The following TTN variants were observed in gnomAD, a reference collection of about 807,000 sequenced individuals.
TTN encodes the protein titin, also known as connectin.
Under a neutral mutation model 3,223.0 loss-of-function variants are expected in TTN, and 1,525 were observed. The observed-to-expected ratio is 0.47, with a 90% confidence interval of 0.45 to 0.49. The LOEUF (loss-of-function observed/expected upper bound fraction) is 0.49, where lower values mean the gene tolerates loss of function less well. Ranked by LOEUF, TTN falls within the 20% of genes least tolerant of loss-of-function variation. The pLI, the probability that TTN is intolerant of heterozygous loss-of-function variation, is 0.00. For missense variants in TTN, 40,786 were observed against 43,424.0 expected, an observed-to-expected ratio of 0.94 and a Z score of 5.40; for synonymous variants, 14,094 against 15,161.0, an observed-to-expected ratio of 0.93 and a Z score of 5.17.
In TTN at chr2:178,530,221, G is replaced by C; in HGVS notation, c.106374+20C>G. On this transcript the variant is annotated intron_variant, in intron 358 of 362. Transcript: ENST00000589042. The stretch of plus-strand genomic sequence containing the variant: ...AATATTTTAGAAGATAAAAGAAAGA[G>C]ACATTTAAGAACTGGTTACCTTTCC... The C allele has an allele frequency of 6.4e-7, 1 of 1,565,586 alleles. No individual in the cohort carries two copies. Among genetic ancestry groups the C allele is most frequent in the Non-Finnish European group, 8.6e-7 (1 of 1,161,164 alleles).
In TTN at chr2:178,598,931, T is replaced by C. The variant is rs937956129; in HGVS notation, c.56779A>G (p.Thr18927Ala). The change falls in exon 291 of 363, where the codon ACT becomes GCT. Residue 18927 changes from threonine (T) to alanine (A), a missense_variant. Coordinates refer to ENST00000589042, the MANE Select transcript of TTN (RefSeq NM_001267550.2). The stretch of plus-strand genomic sequence containing the variant: ...TTAACTCTCTTCCATCTCTTTGAAG[T>C]GGTGTCTTTCATTTCCAGCCAGTAC... The part of the protein sequence containing the change: ...TGYWLEMKDT[T>A]SKRWKRVNRD... 1.2e-6 allele frequency: 2 copies of C among 1,612,924 alleles called. No homozygotes were observed. Among genetic ancestry groups the C allele is most frequent in the Non-Finnish European group, 8.5e-7 (1 of 1,179,468 alleles).
rs375714279 is a variant in TTN at position 178,677,874 on chromosome 2, A to C, written c.34038T>G (p.Pro11346=). 45 of 1,611,330 alleles carry C rather than the reference A, an allele frequency of 2.8e-5. No homozygotes were observed. The highest frequency in any genetic ancestry group is 5.9e-6 in the Non-Finnish European group (7 of 1,178,856). The change falls in exon 146 of 363, where the codon CCT becomes CCG. Residue 11346 remains proline, a synonymous_variant. Transcript: ENST00000589042. ...REPVPVPVAL[P]QEEEVLFEEE... is the part of the protein sequence containing the mutation. ...CTTCAAATAGAACTTCCTCTTCCTG[A>C]GGTAGAGCTACAGGAACTGGAACTG... is the stretch of plus-strand genomic sequence containing the variant.
At chr2:178,595,873 G>A in intron 294 of TTN, 64 bp from the exon 295 acceptor site, 1 of 1,442,016 alleles carries the variant, frequency 6.9e-7, no homozygotes, top group Non-Finnish European at 9.3e-7. Flanking sequence ...CTCAACACTT[G>A]TTTTTTTAAA....
chr2:178,788,996 CAGTG>C (rs1455821290), intron 13 of TTN, among the ~76,000 whole-genome samples: 4 of 152,006 alleles, frequency 2.6e-5, no homozygotes, highest in African/African-American at 7.2e-5. Flanking sequence ...ATCTTCTTGA[CAGTG>C]AGTAAGAGTC....
rs1465995861 is a variant in TTN at position 178,663,889 on chromosome 2, G to C, written c.36378C>G (p.Ser12126=). Residue 12126 remains serine, a synonymous_variant, in exon 170 of 363, where the codon TCC becomes TCG. Transcript: ENST00000589042. ...EVPPVKVPEA[S]KEVIREEKVP... is the part of the protein sequence containing the mutation. ...CTTTCTCTTCGCGGATAACCTCTTT[G>C]GAAGCTTCTGGCACTTGAAAGATAT... The C allele has an allele frequency of 1.9e-6, 3 of 1,613,278 alleles. No individual in the cohort carries two copies. The East Asian group carries it at 6.7e-5, about 36-fold the overall frequency.
chr2:178,617,654 CTT>C (rs1402650634), intron 253 of TTN, 123 bp downstream of exon 253: 7 of 1,439,110 alleles, frequency 4.9e-6, no homozygotes, highest in African/African-American at 1.5e-5. Context: ...GTTTCTAAAA[CTT>C]TATCCAAATT....
intron 163 of TTN, 24 bp downstream of exon 163, chr2:178,666,800 A>C (rs2066005771): frequency 2.0e-6 from 3 of 1,527,592 alleles, no homozygotes; most frequent in Admixed American, 2.2e-5. Flanking sequence ...GAGATTAAAA[A>C]GGTGACTTTC....
chr2:178,793,241 T>G (rs1195029900), intron 9 of TTN, among the ~76,000 whole-genome samples, 163 bp downstream of exon 9: 1 of 152,206 alleles, frequency 6.6e-6, no homozygotes, highest in Admixed American at 6.5e-5. Flanking sequence ...ACTACCAAAC[T>G]TTGGTATCCA....
intron 106 of TTN, among the ~76,000 whole-genome samples, chr2:178,703,374 C>T (rs970936959): frequency 6.6e-6 from 1 of 152,120 alleles, no homozygotes; most frequent in Non-Finnish European, 1.5e-5. Context: ...GTACTTGCAG[C>T]TGGCCCTTTA....
At chr2:178,661,695 AAG>A in intron 180 of TTN, 62 bp downstream of exon 180, 1 of 1,136,568 alleles carries the variant, frequency 8.8e-7, no homozygotes, top group Non-Finnish European at 1.2e-6. Flanking sequence ...TATATATAAA[AAG>A]AAAAATATTT....
At position 178,630,920 on chromosome 2, in the gene TTN, G is replaced by C; in HGVS notation, c.44038C>G (p.Pro14680Ala). 6.2e-7 allele frequency: 1 copy of C among 1,612,018 alleles called. No homozygotes were observed. The highest frequency in any genetic ancestry group is 8.5e-7 in the Non-Finnish European group (1 of 1,179,214). The stretch of plus-strand genomic sequence containing the variant: ...TCCATCACCTCCACACTGTGCAGGG[G>C]TCGCACCAGTTTAATTTCCCGATCT... ...IEDREIKLVR[P>A]LHSVEVMETE... The change falls in exon 238 of 363, where the codon CCC (proline) becomes GCC (alanine). Residue 14680 changes from proline (P) to alanine (A), a missense_variant. Transcript: ENST00000589042.
In TTN at chr2:178,650,824, C is replaced by T; in HGVS notation, c.39636G>A (p.Val13212=). 1.2e-6 allele frequency: 2 copies of T among 1,604,010 alleles called. No individual in the cohort carries two copies. Among genetic ancestry groups the T allele is most frequent in the South Asian group, 1.1e-5 (1 of 89,106 alleles). The change falls in exon 209 of 363, where the codon GTG becomes GTA. Residue 13212 remains valine, a synonymous_variant. Transcript: ENST00000589042. The part of the protein sequence containing the change: ...PEVPPAKVPE[V]PKKPVLEEKP... Reference sequence around the variant, plus strand: ...TCTCTTCCAAGACAGGTTTCTTTGGCACTTCTGGCACTTTAAAGATATTAA... The same window carrying T: ...TCTCTTCCAAGACAGGTTTCTTTGGTACTTCTGGCACTTTAAAGATATTAA...
At position 178,607,928 on chromosome 2, in the gene TTN, G is replaced by C. The variant is rs1559743128; in HGVS notation, c.52859C>G (p.Thr17620Arg). Reference sequence around the variant, plus strand: ...CTGACGGACCTTGATCATCTTCTCTGTGCAGCGTGACCATTCATTTGTGCC... The same window carrying C: ...CTGACGGACCTTGATCATCTTCTCTCTGCAGCGTGACCATTCATTTGTGCC... ...LVGTNEWSRCTEKMIKVRQYT... is the reference protein window; with the variant it reads ...LVGTNEWSRCREKMIKVRQYT... Residue 17620 changes from threonine (T) to arginine (R), a missense_variant, in exon 276 of 363, where the codon ACA becomes AGA. Thr to Arg is a moderately conservative substitution (Grantham distance 71). Transcript: ENST00000589042. 6.2e-7 allele frequency: 1 copy of C among 1,612,974 alleles called. No homozygotes were observed. The highest frequency in any genetic ancestry group is 8.5e-7 in the Non-Finnish European group (1 of 1,179,312).
At chr2:178,712,666 C>T (rs1262641538) in intron 94 of TTN, 31 bp downstream of exon 94, 7 of 1,606,756 alleles carry the variant, frequency 4.4e-6, no homozygotes, top group Admixed American at 1.7e-5. Flanking sequence ...AATTACTAAT[C>T]GTATAAATCT....
rs925472373 is a variant in TTN at position 178,634,975 on chromosome 2, G to C, written c.42025-126C>G. The C allele has an allele frequency of 1.5e-6, 2 of 1,369,250 alleles. No homozygotes were observed. Among genetic ancestry groups the C allele is most frequent in the Non-Finnish European group, 1.9e-6 (2 of 1,030,166 alleles). The allele number at this position is 1,369,250 out of a possible 1,614,324, so 84.8% of individuals were successfully genotyped here. A position where few individuals can be genotyped will look rare whatever the true frequency, so the allele number is the denominator to read the frequency against. On this transcript the variant is annotated intron_variant, in intron 228 of 362. Transcript: ENST00000589042. This position sits in a 1 kb window ranked among gnomAD's most constrained non-coding sequence, Gnocchi z 4.6. ...AATAAAAGTAAGCAGAGAATTCCCT[G>C]TCATAACATTTTACACAAATTGTTC...
chr2:178,581,457 T>C (rs1277949277), intron 316 of TTN, 42 bp downstream of exon 316: 2 of 1,494,624 alleles, frequency 1.3e-6, no homozygotes, highest in East Asian at 2.3e-5. Context: ...TAGAATATGA[T>C]TAATAGGAAA....
chr2:178,804,727 G>A, intron 1 of TTN, 72 bp from the exon 2 acceptor site: 1 of 1,369,820 alleles, frequency 7.3e-7, no homozygotes, highest in Non-Finnish European at 1.0e-6. Flanking sequence ...GCAGATAGCA[G>A]AGACACACGT....
chr2:178,673,735 T>C (rs2067445111), intron 151 of TTN, 25 bp from the exon 152 acceptor site: 1 of 1,570,198 alleles, frequency 6.4e-7, no homozygotes, highest in African/African-American at 1.4e-5. Context: ...TATGAACATT[T>C]TGAAAAGTGG....
At chr2:178,549,931 A>T in intron 337 of TTN, 55 bp downstream of exon 337, 1 of 1,552,404 alleles carries the variant, frequency 6.4e-7, no homozygotes. Context: ...ACAACTAGGC[A>T]TGTCTCTAAT....
Sources: allele counts gnomAD v4.1 joint callset (sites outside exome capture counted in the v4.1 genomes callset), GRCh38; gene constraint gnomAD v4.1.1; non-coding constraint Gnocchi (gnomAD v3.1); transcripts MANE v1.5; gene names NCBI Gene and HGNC (gene_info 2026-07-23, HGNC 2026-07-21).